MAP4K3: variants seen among roughly 807,000 people sequenced by gnomAD.
MAP4K3 encodes MAPK/ERK kinase kinase kinase 3.
A neutral mutation model predicts 143.5 loss-of-function variants in MAP4K3; 94 were observed. The observed-to-expected ratio is 0.65, with a 90% CI of 0.55 to 0.78. The LOEUF (loss-of-function observed/expected upper bound fraction) is 0.78, where lower values mean the gene tolerates loss of function less well. Among genes scored for constraint, MAP4K3 ranks in the 30% least tolerant of loss-of-function variants. The probability of loss-of-function intolerance (pLI) is 0.00; values close to 1 mark genes in which losing one functional copy is unlikely to be tolerated. For missense variants in MAP4K3, 1,077 were observed against 1,068.1 expected (o/e 1.01, Z -0.12); for synonymous variants, 416 against 347.2 (o/e 1.20, Z -2.20).
chr2:39,373,578 A>T (rs1318396775), intron 2 of MAP4K3, among the ~76,000 whole-genome samples: 2 of 152,216 alleles, frequency 1.3e-5, no homozygotes, highest in Non-Finnish European at 2.9e-5. Context: ...AATGTGATAC[A>T]TACGTACAAT....
intron 29 of MAP4K3, among the ~76,000 whole-genome samples, chr2:39,259,010 G>GTTTTT (rs10673971): frequency 6.9e-6 from 1 of 145,004 alleles, no homozygotes; most frequent in Admixed American, 6.9e-5. Context: ...AATGAAAATT[G>GTTTTT]TTTTTTTTTT....
intron 1 of MAP4K3, among the ~76,000 whole-genome samples, chr2:39,421,974 C>G (rs374030312): frequency 1.3e-5 from 2 of 151,700 alleles, no homozygotes; most frequent in East Asian, 3.9e-4. Context: ...TTACATAATA[C>G]TTAATCACAA....
intron 24 of MAP4K3, among the ~76,000 whole-genome samples, chr2:39,273,296 G>A (rs1353729139): frequency 6.6e-6 from 1 of 152,182 alleles, no homozygotes; most frequent in East Asian, 1.9e-4. Context: ...TGGTAGAAAT[G>A]TAAATTCTTG....
At chr2:39,361,286 T>C (rs1422904487) in intron 2 of MAP4K3, among the ~76,000 whole-genome samples, 4 of 152,148 alleles carry the variant, frequency 2.6e-5, no homozygotes, top group African/African-American at 7.2e-5. Context: ...CAACTACCCA[T>C]AGTCACAATT....
chr2:39,387,476 C>T (rs1488733234), intron 1 of MAP4K3, among the ~76,000 whole-genome samples: 2 of 152,154 alleles, frequency 1.3e-5, no homozygotes, highest in African/African-American at 4.8e-5. Flanking sequence ...TTAAAAGTCA[C>T]ACGTGGCTAG....
In MAP4K3 at chr2:39,272,923, G is replaced by C. The variant is rs531898964; in HGVS notation, c.1795-381C>G. Among the ~76,000 whole-genome samples the C allele has an allele frequency of 3.9e-5, 6 of 152,000 alleles. No individual in the cohort carries two copies. In the East Asian group the frequency reaches 1.2e-3, roughly 29 times the overall value. ...CTCCTCCCAAAATAGACGTATCTAG[G>C]CACAATATGCATTCTAGGGTGTATG... On this transcript the variant is annotated intron_variant, in intron 24 of 33. Coordinates refer to ENST00000263881, the MANE Select transcript of MAP4K3 (RefSeq NM_003618.4).
rs1020608856 is a variant in MAP4K3 at position 39,378,208 on chromosome 2, G to T, written c.97-85C>A. The T allele has an allele frequency of 7.2e-5, 49 of 678,266 alleles. 1 individual carries two copies. The highest frequency in any genetic ancestry group is 1.2e-4 in the Non-Finnish European group (46 of 393,192). 42.0% of individuals were successfully genotyped at this position (678,266 alleles called of 1,614,324 possible). A position where few individuals can be genotyped will look rare whatever the true frequency, so the allele number is the denominator to read the frequency against. On this transcript the variant is annotated intron_variant, in intron 1 of 33. Coordinates refer to ENST00000263881, the MANE Select transcript of MAP4K3 (RefSeq NM_003618.4). ...ATTTCACTTTAGCTTACTGTTTTCA[G>T]TTATATAAAAATATTTTAAAAGAAA...
intron 26 of MAP4K3, among the ~76,000 whole-genome samples, chr2:39,269,222 G>A (rs761870191): frequency 1.8e-4 from 27 of 151,532 alleles, no homozygotes; most frequent in Admixed American, 9.9e-4. Flanking sequence ...GGATGTTCTT[G>A]TAACCACACA....
In MAP4K3 at chr2:39,325,555, T is replaced by A. The variant is rs1460355894; in HGVS notation, c.881A>T (p.His294Leu). Residue 294 changes from histidine to leucine, a missense_variant, in exon 12 of 34, where the codon CAT becomes CTT. Coordinates refer to ENST00000263881, the MANE Select transcript of MAP4K3 (RefSeq NM_003618.4). ...ELLDKVNNPDHSTYHDFDDDD... is the reference protein window; with the variant it reads ...ELLDKVNNPDLSTYHDFDDDD... Reference sequence around the variant, plus strand: ...ATCATCGAAATCATGGTAAGTGGAATGATCTGGATTATTTACTTTATCCAA... The same window carrying A: ...ATCATCGAAATCATGGTAAGTGGAAAGATCTGGATTATTTACTTTATCCAA... 1 of 1,612,950 alleles carries A rather than the reference T, an allele frequency of 6.2e-7. No homozygotes were observed. Among genetic ancestry groups the A allele is most frequent in the Admixed American group, 1.7e-5 (1 of 60,016 alleles).
intron 8 of MAP4K3, 55 bp downstream of exon 8, chr2:39,331,862 G>T: frequency 8.7e-7 from 1 of 1,147,530 alleles, no homozygotes; most frequent in Non-Finnish European, 1.2e-6. Context: ...TTTTAGAAAT[G>T]CTATATCCAA....
chr2:39,311,222 T>C (rs767210908), intron 13 of MAP4K3, among the ~76,000 whole-genome samples: 7 of 152,048 alleles, frequency 4.6e-5, no homozygotes, highest in Middle Eastern at 3.2e-3. Flanking sequence ...GGCCTACAGG[T>C]GCGCGCCACT....
rs529526996 is a variant in MAP4K3 at position 39,347,071 on chromosome 2, A to G, written c.246-3619T>C. 3.3e-5 allele frequency among the ~76,000 whole-genome samples: 5 copies of G among 152,246 alleles called. No homozygotes were observed. The South Asian group carries it at 1.0e-3, about 32-fold the overall frequency. ...AAAACCATTTTAATAACACTAAGAA[A>G]TTATCTGCTCTTTACATTCTCTTTC... On this transcript the variant is annotated intron_variant, in intron 3 of 33. Coordinates refer to ENST00000263881, the MANE Select transcript of MAP4K3 (RefSeq NM_003618.4).
At chr2:39,352,754 G>T (rs1415606273) in intron 3 of MAP4K3, among the ~76,000 whole-genome samples, 1 of 152,092 alleles carries the variant, frequency 6.6e-6, no homozygotes. Flanking sequence ...ATATAAAATG[G>T]ACTTCTGAAA....
At chr2:39,393,995 C>T (rs1666738410) in intron 1 of MAP4K3, among the ~76,000 whole-genome samples, 1 of 152,126 alleles carries the variant, frequency 6.6e-6, no homozygotes, top group Non-Finnish European at 1.5e-5. Context: ...TTTCTCATGA[C>T]ATAAAATTTC....
chr2:39,359,324 A>AC (rs1345009829), intron 2 of MAP4K3, among the ~76,000 whole-genome samples: 2 of 152,194 alleles, frequency 1.3e-5, no homozygotes, highest in African/African-American at 4.8e-5. Context: ...TCCATGTCTC[A>AC]CATCCAGGTC....
chr2:39,332,056 A>G, intron 7 of MAP4K3, 67 bp from the exon 8 acceptor site: 1 of 861,474 alleles, frequency 1.2e-6, no homozygotes, highest in Non-Finnish European at 1.8e-6. Context: ...GCAACATAAA[A>G]AGAAACTTTT....
At chr2:39,287,822 T>A (rs901028204) in intron 20 of MAP4K3, among the ~76,000 whole-genome samples, 1 of 152,186 alleles carries the variant, frequency 6.6e-6, no homozygotes, top group Non-Finnish European at 1.5e-5. Flanking sequence ...TGTTTGTTCA[T>A]AGTTTAATTT....
intron 8 of MAP4K3, among the ~76,000 whole-genome samples, chr2:39,331,698 A>G (rs948810505): frequency 1.3e-5 from 2 of 152,118 alleles, no homozygotes; most frequent in African/African-American, 4.8e-5. Flanking sequence ...TGAAAGCCAT[A>G]TCAATCATTA....
rs182446166 is a variant in MAP4K3, at chr2:39,254,743, A to C, written c.2471-223T>G. Among the ~76,000 whole-genome samples the C allele has an allele frequency of 8.8e-3, 1,347 of 152,236 alleles. 30 individuals carry two copies. Among genetic ancestry groups the C allele is most frequent in the African/African-American group, 0.03 (1,241 of 41,554 alleles). On this transcript the variant is annotated intron_variant, in intron 31 of 33. Transcript: ENST00000263881. Reference sequence around the variant, plus strand: ...AATTCACCGAAAATATTTTTGTTATAGTTTTTTTGTATTTCTAGTAGAAAT... The same window carrying C: ...AATTCACCGAAAATATTTTTGTTATCGTTTTTTTGTATTTCTAGTAGAAAT...
Sources: gnomAD v4.1 joint callset for allele counts (sites outside exome capture counted in the v4.1 genomes callset) on GRCh38, gnomAD v4.1.1 for gene constraint, MANE v1.5 for transcripts, NCBI Gene and HGNC (gene_info 2026-07-23, HGNC 2026-07-21) for gene names.